PCDHA7: variants seen among roughly 807,000 people sequenced by gnomAD.
The protein encoded by PCDHA7 is protocadherin alpha-7.
In PCDHA7, 37 loss-of-function variants were observed where a neutral mutation model predicts 57.2. That is an observed-to-expected ratio of 0.65 (90% CI 0.50 to 0.85). The LOEUF is 0.85. Ranked by LOEUF, PCDHA7 falls within the 40% of genes least tolerant of loss-of-function variation. PCDHA7 has a pLI of 0.00. For synonymous variants in PCDHA7, 553 were observed against 558.8 expected, an observed-to-expected ratio of 0.99 and a Z score of 0.15; for missense variants, 1,188 against 1,241.8, an observed-to-expected ratio of 0.96 and a Z score of 0.65.
intron 3 of PCDHA7, among the ~76,000 whole-genome samples, chr5:140,993,523 CAGAG>C (rs111789518): frequency 3.4e-5 from 5 of 145,668 alleles, no homozygotes; most frequent in South Asian, 2.2e-4. Flanking sequence ...GAGAGAGAGA[CAGAG>C]AGAGAGAGAG....
At chr5:140,975,027 C>G (rs1235916815) in intron 1 of PCDHA7, among the ~76,000 whole-genome samples, 1 of 152,082 alleles carries the variant, frequency 6.6e-6, no homozygotes, top group Non-Finnish European at 1.5e-5. Flanking sequence ...GCTGTGTTGT[C>G]CTTTGCAGGC....
chr5:140,865,345 A>T (rs555567469), intron 1 of PCDHA7: 4 of 152,320 alleles, frequency 2.6e-5, no homozygotes, highest in African/African-American at 9.6e-5. Context: ...GAAATAGTAT[A>T]TTTACATATT....
chr5:140,836,764 A>G (rs1774728694), intron 1 of PCDHA7, 26 bp downstream of exon 1: 2 of 1,563,418 alleles, frequency 1.3e-6, no homozygotes, highest in Non-Finnish European at 1.7e-6. Context: ...TCTTGTTTCC[A>G]ACAATTTTAA....
intron 3 of PCDHA7, among the ~76,000 whole-genome samples, chr5:140,998,111 T>A (rs1224150326): frequency 1.3e-5 from 2 of 152,108 alleles, no homozygotes; most frequent in African/African-American, 4.8e-5. Flanking sequence ...GAGGAGAAAA[T>A]TTACTTGTGA....
chr5:140,858,071 C>T (rs782061637), intron 1 of PCDHA7: 1 of 1,597,680 alleles, frequency 6.3e-7, no homozygotes, highest in Admixed American at 1.7e-5. Flanking sequence ...CAGCCAGGCA[C>T]CCAAGGCCTC....
chr5:140,902,963 G>T (rs2069893804), intron 1 of PCDHA7, among the ~76,000 whole-genome samples: 1 of 152,180 alleles, frequency 6.6e-6, no homozygotes, highest in Non-Finnish European at 1.5e-5. Context: ...CTTGTTGGCT[G>T]ATGGGCATTT....
chr5:140,841,616 A>T (rs2150319486), intron 1 of PCDHA7: 1 of 1,613,946 alleles, frequency 6.2e-7, no homozygotes, highest in Non-Finnish European at 8.5e-7. Flanking sequence ...GTGCGGGCGG[A>T]GCGCGGAGTG....
intron 1 of PCDHA7, chr5:140,850,690 G>C (rs2150494322): frequency 3.8e-6 from 6 of 1,598,286 alleles, no homozygotes; most frequent in Admixed American, 1.7e-5. Flanking sequence ...GAGGGCGAGT[G>C]CGCGCCTGGC....
At chr5:140,871,151 C>A in intron 1 of PCDHA7, 1 of 1,613,328 alleles carries the variant, frequency 6.2e-7, no homozygotes, top group Non-Finnish European at 8.5e-7. Flanking sequence ...CGGACTTTGG[C>A]GGGCGCCGCG....
intron 2 of PCDHA7, among the ~76,000 whole-genome samples, chr5:140,980,573 T>G (rs1040024915): frequency 6.6e-6 from 1 of 152,066 alleles, no homozygotes; most frequent in Non-Finnish European, 1.5e-5. Context: ...GAAGTTGCAG[T>G]GAGCCAAGAT....
In PCDHA7 at chr5:140,922,223, C is replaced by T. The variant is rs115262412; in HGVS notation, c.2356-56726C>T. 8.0e-3 allele frequency among the ~76,000 whole-genome samples: 1,216 copies of T among 152,128 alleles called. 6 individuals are homozygous for T. Among genetic ancestry groups the T allele is most frequent in the African/African-American group, 0.019 (784 of 41,508 alleles). ...ATGAAACTTTGTAAAACATTTGAAC[C>T]TCAACCATGATGTGTATGAAGATAA... On this transcript the variant is annotated intron_variant, in intron 1 of 3. Transcript: ENST00000525929.
chr5:140,920,403 T>A (rs1440027208), intron 1 of PCDHA7, among the ~76,000 whole-genome samples: 3 of 152,356 alleles, frequency 2.0e-5, no homozygotes, highest in South Asian at 2.1e-4. Context: ...TGTCTTTTTT[T>A]AATCAGATAC....
At chr5:140,867,679 G>A (rs1264964965) in intron 1 of PCDHA7, 1 of 151,996 alleles carries the variant, frequency 6.6e-6, no homozygotes, top group Non-Finnish European at 1.5e-5. Flanking sequence ...AAATTTTGTT[G>A]CATCTTCTTT....
At chr5:140,896,858 A>C (rs1448787828) in intron 1 of PCDHA7, among the ~76,000 whole-genome samples, 3 of 152,192 alleles carry the variant, frequency 2.0e-5, no homozygotes, top group Non-Finnish European at 4.4e-5. Context: ...TGGGTACATA[A>C]TAAGTGTACA....
intron 3 of PCDHA7, among the ~76,000 whole-genome samples, chr5:140,988,762 C>T (rs546274253): frequency 6.6e-6 from 1 of 152,308 alleles, no homozygotes; most frequent in South Asian, 2.1e-4. Context: ...GGGCAGAATA[C>T]AGTCATGGTT....
intron 3 of PCDHA7, among the ~76,000 whole-genome samples, chr5:141,000,804 G>A (rs2097964510): frequency 6.6e-6 from 1 of 151,886 alleles, no homozygotes; most frequent in African/African-American, 2.4e-5. Flanking sequence ...CTACTCAGAA[G>A]GCTGAGGTGG....
At chr5:140,898,026 T>G (rs11167645) in intron 1 of PCDHA7, among the ~76,000 whole-genome samples, 49,476 of 151,852 alleles carry the variant, frequency 0.33, 8,303 homozygotes, top group East Asian at 0.53. Flanking sequence ...GCCCACTTTT[T>G]GATGGGGTTG....
chr5:140,993,528 A>G (rs78672098), intron 3 of PCDHA7, among the ~76,000 whole-genome samples: 1 of 151,976 alleles, frequency 6.6e-6, no homozygotes, highest in Admixed American at 6.6e-5. Context: ...AGAGACAGAG[A>G]GAGAGAGAGA....
At chr5:140,992,208 A>G (rs2097499240) in intron 3 of PCDHA7, among the ~76,000 whole-genome samples, 1 of 152,150 alleles carries the variant, frequency 6.6e-6, no homozygotes, top group African/African-American at 2.4e-5. Context: ...AATCAGATAA[A>G]CTACTCTCCC....
Sources: allele counts gnomAD v4.1 joint callset (sites outside exome capture counted in the v4.1 genomes callset), GRCh38; gene constraint gnomAD v4.1.1; transcripts MANE v1.5; gene names NCBI Gene and HGNC (gene_info 2026-07-23, HGNC 2026-07-21).